RTN1: variants seen among roughly 807,000 people sequenced by gnomAD.
The protein encoded by RTN1 is reticulon 1.
In RTN1, 25 loss-of-function variants were observed where a neutral mutation model predicts 65.5. That is an observed-to-expected ratio of 0.38 (90% confidence interval 0.28 to 0.53). The LOEUF (loss-of-function observed/expected upper bound fraction) is 0.53. Among genes scored for constraint, RTN1 ranks in the 20% least tolerant of loss-of-function variants. The pLI is 0.79. For missense variants in RTN1, 983 were observed against 1,025.4 expected (o/e 0.96, Z 0.57); for synonymous variants, 471 against 447.6 (o/e 1.05, Z -0.66).
intron 2 of RTN1, among the ~76,000 whole-genome samples, chr14:59,744,035 C>T (rs1470619892): frequency 6.6e-6 from 1 of 152,126 alleles, no homozygotes; most frequent in East Asian, 1.9e-4. Context: ...ATCTTTAAGA[C>T]CCTTGGAGTT....
intron 1 of RTN1, among the ~76,000 whole-genome samples, chr14:59,747,397 G>T (rs902084487): frequency 1.3e-5 from 2 of 152,192 alleles, no homozygotes; most frequent in Non-Finnish European, 2.9e-5. Context: ...ATCTCCTGAG[G>T]TCGGGAGTTC....
chr14:59,643,125 A>G (rs1453281904), intron 3 of RTN1, among the ~76,000 whole-genome samples: 3 of 152,170 alleles, frequency 2.0e-5, no homozygotes, highest in Admixed American at 1.3e-4. Context: ...GAAAGAACAC[A>G]AGGCCAAGGA....
intron 1 of RTN1, among the ~76,000 whole-genome samples, chr14:59,782,749 A>T (rs1886179856): frequency 6.6e-6 from 1 of 152,224 alleles, no homozygotes; most frequent in Non-Finnish European, 1.5e-5. Flanking sequence ...TGCTGCAAGA[A>T]AAGTAATGTA....
chr14:59,726,365 T>G (rs574178728), intron 3 of RTN1, among the ~76,000 whole-genome samples: 4 of 152,276 alleles, frequency 2.6e-5, no homozygotes, highest in Admixed American at 1.3e-4. Context: ...CCAACTGTGG[T>G]CTCTGTCTTG....
intron 3 of RTN1, among the ~76,000 whole-genome samples, chr14:59,675,757 A>T (rs1362900021): frequency 6.6e-6 from 1 of 151,970 alleles, no homozygotes; most frequent in Non-Finnish European, 1.5e-5. Context: ...ACACCCAGGG[A>T]TCCCAGCCAG....
intron 3 of RTN1, among the ~76,000 whole-genome samples, chr14:59,644,179 A>G (rs1022707705): frequency 1.3e-5 from 2 of 152,216 alleles, no homozygotes; most frequent in African/African-American, 2.4e-5. Flanking sequence ...ATGGAGAGCA[A>G]TAGAAGGGGC....
At chr14:59,689,443 C>T (rs1383353973) in intron 3 of RTN1, among the ~76,000 whole-genome samples, 4 of 151,942 alleles carry the variant, frequency 2.6e-5, no homozygotes, top group South Asian at 4.1e-4. Context: ...TATCTGGATA[C>T]GAGAAATCCA....
Position 59,650,219 on chromosome 14 carries a change from G to A in RTN1, c.1766-42727C>T, listed in dbSNP as rs143843567. Among the ~76,000 whole-genome samples, 457 of 152,284 alleles carry A rather than the reference G, an allele frequency of 3.0e-3. 3 individuals carry two copies. Among genetic ancestry groups the A allele is most frequent in the African/African-American group, 0.011 (442 of 41,566 alleles). On this transcript the variant is annotated intron_variant, in intron 3 of 8. Transcript: ENST00000267484. Reference sequence around the variant, plus strand: ...GAACAATGAGAACACATGGACACAGGGAGGGGAACATCACACACCAGGGCC... The same window carrying A: ...GAACAATGAGAACACATGGACACAGAGAGGGGAACATCACACACCAGGGCC...
intron 4 of RTN1, among the ~76,000 whole-genome samples, chr14:59,606,584 A>G (rs145874272): frequency 4.2e-4 from 64 of 152,214 alleles, no homozygotes; most frequent in Non-Finnish European, 7.2e-4. Flanking sequence ...CCCTGCTGGC[A>G]CCTTGATCTT....
chr14:59,732,154 G>C (rs1884911432), intron 2 of RTN1, among the ~76,000 whole-genome samples: 1 of 152,192 alleles, frequency 6.6e-6, no homozygotes. Flanking sequence ...AGTGAAAAAG[G>C]AAGGGGTCTG....
intron 3 of RTN1, among the ~76,000 whole-genome samples, chr14:59,674,762 T>C (rs1883586758): frequency 6.6e-6 from 1 of 152,184 alleles, no homozygotes; most frequent in Non-Finnish European, 1.5e-5. Context: ...AAATGAAAGA[T>C]GCAAATGGCA....
At chr14:59,615,318 G>A (rs111318867) in intron 3 of RTN1, among the ~76,000 whole-genome samples, 13,372 of 151,958 alleles carry the variant, frequency 0.088, 614 homozygotes, top group Non-Finnish European at 0.1. Flanking sequence ...GTATGGTAGC[G>A]CATGCCTGTA....
At chr14:59,801,287 A>G (rs1886541384) in intron 1 of RTN1, among the ~76,000 whole-genome samples, 3 of 152,306 alleles carry the variant, frequency 2.0e-5, no homozygotes, top group South Asian at 4.1e-4. Flanking sequence ...TTTTAAACCA[A>G]TATGTCTAGA....
chr14:59,749,172 C>A lies in RTN1; in HGVS notation c.242-2691G>T, dbSNP rs1246733387. Reference sequence around the variant, plus strand: ...TATCTATCTATATCTATCTATATATCTATCTATATATCTATCTATATATAT... The same window carrying A: ...TATCTATCTATATCTATCTATATATATATCTATATATCTATCTATATATAT... On this transcript the variant is annotated intron_variant, in intron 1 of 8. Transcript: ENST00000267484. 4.6e-4 allele frequency among the ~76,000 whole-genome samples: 28 copies of A among 60,992 alleles called. 2 individuals are homozygous for A. The highest frequency in any genetic ancestry group is 1.4e-3 in the African/African-American group (11 of 8,046). 40.0% of individuals were successfully genotyped at this position (60,992 alleles called of 152,430 possible). A position where few individuals can be genotyped will look rare whatever the true frequency, so the allele number is the denominator to read the frequency against.
At position 59,661,070 on chromosome 14, in the gene RTN1, C is replaced by T. The variant is rs536433919; in HGVS notation, c.1766-53578G>A. On this transcript the variant is annotated intron_variant, in intron 3 of 8. Transcript: ENST00000267484. ...ATAAAGGGTAGGTCACCACTGATCC[C>T]ACAGAAATACAAACTACTGTCAGAG... Among the ~76,000 whole-genome samples the T allele has an allele frequency of 4.6e-5, 7 of 151,890 alleles. No homozygotes were observed. The East Asian group carries it at 1.4e-3, about 29-fold the overall frequency.
chr14:59,816,806 G>A lies in RTN1; in HGVS notation c.241+53584C>T, dbSNP rs998215249. On this transcript the variant is annotated intron_variant, in intron 1 of 8. Transcript: ENST00000267484. This position sits in a 1 kb window ranked among gnomAD's most constrained non-coding sequence, Gnocchi z 4.3. Reference sequence around the variant, plus strand: ...ATATTAGCTGGGTGTGGTGGCATGTGCCTGTGGTCCCAGCTACTCGGGAGG... The same window carrying A: ...ATATTAGCTGGGTGTGGTGGCATGTACCTGTGGTCCCAGCTACTCGGGAGG... 6.6e-6 allele frequency among the ~76,000 whole-genome samples: 1 copy of A among 152,144 alleles called. No individual in the cohort carries two copies. Among genetic ancestry groups the A allele is most frequent in the Admixed American group, 6.5e-5 (1 of 15,282 alleles).
chr14:59,826,333 T>A (rs1887030628), intron 1 of RTN1, among the ~76,000 whole-genome samples: 1 of 152,214 alleles, frequency 6.6e-6, no homozygotes, highest in African/African-American at 2.4e-5. Flanking sequence ...CATTATGTAG[T>A]TGTGGAGCTT....
intron 1 of RTN1, among the ~76,000 whole-genome samples, chr14:59,832,895 A>G (rs970107865): frequency 2.6e-5 from 4 of 152,198 alleles, no homozygotes; most frequent in Non-Finnish European, 5.9e-5. Context: ...CTGCTCCAGC[A>G]TGTTGCAAAC....
Position 59,666,962 on chromosome 14 carries a change from CAAAAAAAAAAAAA to C in RTN1, c.1766-59483_1766-59471del, listed in dbSNP as rs146213616. Among the ~76,000 whole-genome samples, 53 of 60,142 alleles carry C rather than the reference CAAAAAAAAAAAAA, an allele frequency of 8.8e-4. 1 individual carries two copies. In the East Asian group the frequency reaches 0.021, roughly 24 times the overall value. 39.5% of individuals were successfully genotyped at this position (60,142 alleles called of 152,430 possible). A position where few individuals can be genotyped will look rare whatever the true frequency, so the allele number is the denominator to read the frequency against. ...AGGCAGTAATTAATAGCCGACCAAC[CAAAAAAAAAAAAA>C]AAAAAAAAAAAAGCCCAGGACCATA... On this transcript the variant is annotated intron_variant, in intron 3 of 8. Coordinates refer to ENST00000267484, the MANE Select transcript of RTN1 (RefSeq NM_021136.3).
Sources: allele counts gnomAD v4.1 joint callset (sites outside exome capture counted in the v4.1 genomes callset), GRCh38; gene constraint gnomAD v4.1.1; non-coding constraint Gnocchi (gnomAD v3.1); transcripts MANE v1.5; gene names NCBI Gene and HGNC (gene_info 2026-07-23, HGNC 2026-07-21).